Variants in RTKN2 observed in about 807,000 individuals in gnomAD.
RTKN2 encodes the protein rhotekin 2, also known as rhotekin-2.
A neutral mutation model predicts 71.5 loss-of-function variants in RTKN2; 69 were observed. That is an observed-to-expected ratio of 0.96 (90% CI 0.79 to 1.18). The LOEUF (loss-of-function observed/expected upper bound fraction) is 1.18. RTKN2 is among the 50% of genes most tolerant of loss of function. The pLI is 0.00. For missense variants in RTKN2, 724 were observed against 719.7 expected (o/e 1.01, Z -0.07); for synonymous variants, 236 against 236.5 (o/e 1.00, Z 0.02).
At chr10:62,229,241 A>C (rs1842097814) in intron 6 of RTKN2, among the ~76,000 whole-genome samples, 1 of 152,220 alleles carries the variant, frequency 6.6e-6, no homozygotes, top group Non-Finnish European at 1.5e-5. Context: ...AGAGTACTGA[A>C]GGGAAGAACC....
At chr10:62,241,428 A>T (rs1478333883) in intron 3 of RTKN2, among the ~76,000 whole-genome samples, 2 of 152,116 alleles carry the variant, frequency 1.3e-5, no homozygotes, top group Non-Finnish European at 2.9e-5. Flanking sequence ...AACTGTTCTA[A>T]CTCCATATAT....
At chr10:62,184,034 A>G (rs1241138269) in exon 9 of RTKN2, 13 of 289,678 alleles carry the variant, frequency 4.5e-5, no homozygotes, top group Non-Finnish European at 6.3e-6. Flanking sequence ...CACAGGAGAT[A>G]TATTTACCAA....
At chr10:62,214,930 C>A in intron 9 of RTKN2, 3 of 541,420 alleles carry the variant, frequency 5.5e-6, no homozygotes, top group South Asian at 6.0e-5. Flanking sequence ...ATTTTCCTTA[C>A]TAGTTTGGAA....
At chr10:62,228,778 C>T (rs1414816909) in intron 6 of RTKN2, among the ~76,000 whole-genome samples, 2 of 152,090 alleles carry the variant, frequency 1.3e-5, no homozygotes, top group Non-Finnish European at 2.9e-5. Context: ...AGAAAGGAAA[C>T]AGCAAACACT....
At chr10:62,208,488 C>T (rs1841592407) in intron 9 of RTKN2, among the ~76,000 whole-genome samples, 1 of 152,106 alleles carries the variant, frequency 6.6e-6, no homozygotes, top group African/African-American at 2.4e-5. Context: ...ACTAGTCAAA[C>T]ATTGGACATT....
intron 2 of RTKN2, among the ~76,000 whole-genome samples, chr10:62,246,390 C>G (rs1171388989): frequency 6.6e-6 from 1 of 151,982 alleles, no homozygotes; most frequent in East Asian, 1.9e-4. Context: ...AGTATAATAC[C>G]TTAGATCACA....
At chr10:62,205,204 T>C (rs1448985281) in intron 9 of RTKN2, among the ~76,000 whole-genome samples, 182 bp from the exon 10 acceptor site, 1 of 152,158 alleles carries the variant, frequency 6.6e-6, no homozygotes, top group East Asian at 1.9e-4. Context: ...ATCTAGGTTT[T>C]TAAAAAAGAA....
At chr10:62,235,427 A>C (rs975795997) in intron 6 of RTKN2, among the ~76,000 whole-genome samples, 1 of 152,208 alleles carries the variant, frequency 6.6e-6, no homozygotes, top group Non-Finnish European at 1.5e-5. Context: ...TGACATATAC[A>C]TAGTTCCTTT....
At chr10:62,255,860 GA>G (rs1842664702) in intron 2 of RTKN2, among the ~76,000 whole-genome samples, 1 of 151,966 alleles carries the variant, frequency 6.6e-6, no homozygotes, top group African/African-American at 2.4e-5. Flanking sequence ...GCCTCACCTA[GA>G]AAAAAATGTT....
Position 62,197,734 on chromosome 10 carries a change from A to C in RTKN2, c.*174T>G. On this transcript the variant is annotated 3_prime_UTR_variant, in exon 12 of 12. Coordinates refer to ENST00000373789, the MANE Select transcript of RTKN2 (RefSeq NM_145307.4). ...AATCACTTACATTCTGCAAATCAGG[A>C]GTAAAAGAGAAATCCACTTCTTCAT... 2 of 1,412,858 alleles carry C rather than the reference A, an allele frequency of 1.4e-6. No individual in the cohort carries two copies. The highest frequency in any genetic ancestry group is 1.8e-6 in the Non-Finnish European group (2 of 1,089,926). The allele number at this position is 1,412,858 out of a possible 1,614,324, so 87.5% of individuals were successfully genotyped here.
At chr10:62,231,370 T>C (rs1842145213) in intron 6 of RTKN2, among the ~76,000 whole-genome samples, 1 of 152,210 alleles carries the variant, frequency 6.6e-6, no homozygotes, top group African/African-American at 2.4e-5. Flanking sequence ...ATAAAATGAA[T>C]AGATGAATCT....
rs1340112151 is a variant in RTKN2, at chr10:62,236,050, A to G, written c.686+16T>C. 1 of 1,517,520 alleles carries G rather than the reference A, an allele frequency of 6.6e-7. No homozygotes were observed. The highest frequency in any genetic ancestry group is 1.1e-5 in the South Asian group (1 of 88,680). The allele number at this position is 1,517,520 out of a possible 1,614,324, so 94.0% of individuals were successfully genotyped here. ...TGTATAATTATGTCACCATAAATAC[A>G]GTATTAAAAACTTACAAAACAGCAG... is the stretch of plus-strand genomic sequence containing the variant. On this transcript the variant is annotated intron_variant, in intron 6 of 11. Transcript: ENST00000373789.
intron 9 of RTKN2, among the ~76,000 whole-genome samples, chr10:62,210,610 C>T (rs1212691167): frequency 6.6e-6 from 1 of 151,994 alleles, no homozygotes; most frequent in Non-Finnish European, 1.5e-5. Flanking sequence ...GCAATGAAGA[C>T]AAAATGTTGG....
intron 7 of RTKN2, among the ~76,000 whole-genome samples, chr10:62,219,075 T>C (rs971553553): frequency 2.6e-5 from 4 of 152,208 alleles, no homozygotes; most frequent in East Asian, 1.9e-4. Flanking sequence ...CCTCCCCTTC[T>C]TTTGCTGAAC....
At chr10:62,214,890 C>T in intron 9 of RTKN2, 1 of 466,198 alleles carries the variant, frequency 2.1e-6, no homozygotes, top group Non-Finnish European at 3.8e-6. Flanking sequence ...CTATTTTTTC[C>T]TACTCATTAG....
Position 62,197,868 on chromosome 10 carries a change from A to G in RTKN2, c.*40T>C. On this transcript the variant is annotated 3_prime_UTR_variant, in exon 12 of 12. Coordinates refer to ENST00000373789, the MANE Select transcript of RTKN2 (RefSeq NM_145307.4). The stretch of plus-strand genomic sequence containing the variant: ...ATAATGCCTCTGAATTAAGCTTCAC[A>G]GTTATAGATTTTGTTAAATGTTTTA... 3 of 1,553,572 alleles carry G rather than the reference A, an allele frequency of 1.9e-6. No individual in the cohort carries two copies. Among genetic ancestry groups the G allele is most frequent in the Non-Finnish European group, 1.7e-6 (2 of 1,153,486 alleles).
At chr10:62,257,076 G>T (rs575953143) in intron 2 of RTKN2, among the ~76,000 whole-genome samples, 81 of 152,266 alleles carry the variant, frequency 5.3e-4, no homozygotes, top group Non-Finnish European at 3.1e-4. Context: ...ACATTAAATT[G>T]TTCTTAAGTA....
Position 62,193,774 on chromosome 10 carries a change from T to A in RTKN2, c.*4134A>T. ...AAATTCTGGATCACTAAACTAAAAG[T>A]AAGGTTATGTCAATGGATTTTTAAA... On this transcript the variant is annotated 3_prime_UTR_variant, in exon 12 of 12. Coordinates refer to ENST00000373789, the MANE Select transcript of RTKN2 (RefSeq NM_145307.4). 1 of 984,852 alleles carries A rather than the reference T, an allele frequency of 1.0e-6. No homozygotes were observed. The highest frequency in any genetic ancestry group is 1.2e-6 in the Non-Finnish European group (1 of 829,458). 61.0% of individuals were successfully genotyped at this position (984,852 alleles called of 1,614,324 possible).
chr10:62,238,381 C>G lies in RTKN2; in HGVS notation c.488+1267G>C, dbSNP rs575369435. The G allele has an allele frequency of 2.0e-5, 3 of 151,916 alleles. No homozygotes were observed. The East Asian group carries it at 5.8e-4, about 29-fold the overall frequency. The allele number at this position is 151,916 out of a possible 1,614,324, so 9.4% of individuals were successfully genotyped here. A position where few individuals can be genotyped will look rare whatever the true frequency, so the allele number is the denominator to read the frequency against. ...ACAGAATTCTCAAAAAATTATAAATCATGTGTTGTCTTCCTCAGTAACTTC... is the reference window on the plus strand; with the variant it reads ...ACAGAATTCTCAAAAAATTATAAATGATGTGTTGTCTTCCTCAGTAACTTC... On this transcript the variant is annotated intron_variant, in intron 5 of 11. Transcript: ENST00000373789.
Sources: gnomAD v4.1 joint callset for allele counts (sites outside exome capture counted in the v4.1 genomes callset) on GRCh38, gnomAD v4.1.1 for gene constraint, MANE v1.5 for transcripts, NCBI Gene and HGNC (gene_info 2026-07-23, HGNC 2026-07-21) for gene names.